ZDHHC6: variants seen among roughly 807,000 people sequenced by gnomAD.
The protein encoded by ZDHHC6 is palmitoyltransferase ZDHHC6.
In ZDHHC6, 32 loss-of-function variants were observed where a neutral mutation model predicts 57.8. The ratio of observed to expected loss-of-function variants is 0.55; its 90% CI spans 0.42 to 0.74. The LOEUF is 0.74. Ranked by LOEUF, ZDHHC6 falls within the 30% of genes least tolerant of loss-of-function variation. ZDHHC6 has a pLI of 0.00. For missense variants in ZDHHC6, 433 were observed against 500.7 expected, an observed-to-expected ratio of 0.86 and a Z score of 1.29; for synonymous variants, 128 against 158.0, an observed-to-expected ratio of 0.81 and a Z score of 1.42.
At chr10:112,440,307 TA>T (rs760152734) in intron 5 of ZDHHC6, among the ~76,000 whole-genome samples, 9 of 152,222 alleles carry the variant, frequency 5.9e-5, no homozygotes, top group Non-Finnish European at 1.2e-4. Context: ...CTCCAGAACT[TA>T]CCTAACTTGA....
downstream of ZDHHC6, chr10:112,427,468 T>A: frequency 9.4e-7 from 1 of 1,069,268 alleles, no homozygotes; most frequent in Non-Finnish European, 1.3e-6. Context: ...TTTTAACCTG[T>A]TAAACTCTAA....
chr10:112,438,409 A>G lies in ZDHHC6; in HGVS notation c.682-20T>C. 7.3e-7 allele frequency: 1 copy of G among 1,361,068 alleles called. No homozygotes were observed. Among genetic ancestry groups the G allele is most frequent in the South Asian group, 1.5e-5 (1 of 65,958 alleles). The allele number at this position is 1,361,068 out of a possible 1,614,324, so 84.3% of individuals were successfully genotyped here. On this transcript the variant is annotated intron_variant, in intron 5 of 10. Transcript: ENST00000369405. ...TTTCATCTGGAAATTAAATGATAGT[A>G]AAATTTAATAATGCGACCTTGGTTC...
Position 112,445,567 on chromosome 10 carries a change from G to T in ZDHHC6, c.-131C>A, listed in dbSNP as rs1477832247. ...TGCCTTCAAGCTGTGAACTGTTAAC[G>T]CAGATTACACCATTTTCACTGTCAG... On this transcript the variant is annotated 5_prime_UTR_variant, in exon 2 of 11. Coordinates refer to ENST00000369405, the MANE Select transcript of ZDHHC6 (RefSeq NM_022494.3). 2.0e-5 allele frequency: 21 copies of T among 1,056,680 alleles called. No homozygotes were observed. In the South Asian group the frequency reaches 3.5e-4, roughly 18 times the overall value. The allele number at this position is 1,056,680 out of a possible 1,614,324, so 65.5% of individuals were successfully genotyped here.
downstream of ZDHHC6, chr10:112,426,278 G>C: frequency 6.2e-7 from 1 of 1,614,114 alleles, no homozygotes; most frequent in Non-Finnish European, 8.5e-7. Context: ...TAGGAGTGGT[G>C]GTTCCTGACA....
intron 6 of ZDHHC6, among the ~76,000 whole-genome samples, chr10:112,435,041 G>C (rs754445005): frequency 2.9e-4 from 44 of 152,008 alleles, no homozygotes; most frequent in Admixed American, 5.2e-4. Flanking sequence ...ATATACAGGA[G>C]ATCTTCTTTC....
downstream of ZDHHC6, chr10:112,425,523 C>G (rs370806173): frequency 1.3e-6 from 2 of 1,500,754 alleles, no homozygotes; most frequent in Admixed American, 4.1e-5. Context: ...AGTCACAAAC[C>G]ATGCTGGTTC....
chr10:112,425,719 T>C (rs1844652967), downstream of ZDHHC6: 2 of 374,622 alleles, frequency 5.3e-6, no homozygotes, highest in Non-Finnish European at 9.4e-6. Flanking sequence ...ATGGCTATAC[T>C]AAAAGGTAAT....
chr10:112,443,427 A>G, intron 3 of ZDHHC6, 88 bp downstream of exon 3: 1 of 1,122,058 alleles, frequency 8.9e-7, no homozygotes, highest in Non-Finnish European at 1.3e-6. Flanking sequence ...TGCAGTGAAT[A>G]GAAGTAGCAC....
downstream of ZDHHC6, chr10:112,426,379 G>A: frequency 6.2e-7 from 1 of 1,602,218 alleles, no homozygotes. Context: ...GCCTAGGAAA[G>A]CTTTATGCAC....
chr10:112,427,259 A>C (rs1844767056), downstream of ZDHHC6: 3 of 1,613,638 alleles, frequency 1.9e-6, no homozygotes, highest in African/African-American at 1.3e-5. Flanking sequence ...TTTCCATTGA[A>C]AATGGGCTCT....
At chr10:112,434,170 AT>A in intron 7 of ZDHHC6, 126 bp downstream of exon 7, 1 of 906,084 alleles carries the variant, frequency 1.1e-6, no homozygotes, top group Non-Finnish European at 1.6e-6. Context: ...GAATTATTAG[AT>A]TCATTTTGAC....
chr10:112,438,410 A>G lies in ZDHHC6; in HGVS notation c.682-21T>C, dbSNP rs762275943. The G allele has an allele frequency of 2.1e-5, 28 of 1,359,860 alleles. No individual in the cohort carries two copies. In the Admixed American group the frequency reaches 8.2e-4, roughly 40 times the overall value. 84.2% of individuals were successfully genotyped at this position (1,359,860 alleles called of 1,614,324 possible). On this transcript the variant is annotated intron_variant, in intron 5 of 10. Transcript: ENST00000369405. ...TTCATCTGGAAATTAAATGATAGTAAAATTTAATAATGCGACCTTGGTTCC... is the reference window on the plus strand; with the variant it reads ...TTCATCTGGAAATTAAATGATAGTAGAATTTAATAATGCGACCTTGGTTCC...
intron 2 of ZDHHC6, 72 bp from the exon 3 acceptor site, chr10:112,443,678 T>G: frequency 8.1e-7 from 1 of 1,229,594 alleles, no homozygotes; most frequent in Non-Finnish European, 1.2e-6. Context: ...ACGGTATGAT[T>G]TTCTTTTATG....
intron 2 of ZDHHC6, among the ~76,000 whole-genome samples, chr10:112,443,938 G>A (rs1329554801): frequency 6.6e-6 from 1 of 152,132 alleles, no homozygotes; most frequent in East Asian, 1.9e-4. Flanking sequence ...TTAGAGTGAG[G>A]AGTTAATCGT....
At position 112,431,830 on chromosome 10, in the gene ZDHHC6, T is replaced by C. The variant is rs574369951; in HGVS notation, c.1138+410A>G. 3.3e-5 allele frequency among the ~76,000 whole-genome samples: 5 copies of C among 152,296 alleles called. No individual in the cohort carries two copies. The East Asian group carries it at 9.6e-4, about 29-fold the overall frequency. On this transcript the variant is annotated intron_variant, in intron 10 of 10. Transcript: ENST00000369405. ...GGCAGCAAATAGTACAGGGGTTTGG[T>C]GCATAGAATCTGGAGTCAGACTGCT...
At chr10:112,436,015 G>A (rs903211770) in intron 6 of ZDHHC6, among the ~76,000 whole-genome samples, 3 of 152,154 alleles carry the variant, frequency 2.0e-5, no homozygotes, top group African/African-American at 4.8e-5. Context: ...CCTTAACTAA[G>A]TCTTGAGAAG....
chr10:112,432,903 T>C (rs1845174445), intron 8 of ZDHHC6, among the ~76,000 whole-genome samples: 1 of 152,228 alleles, frequency 6.6e-6, no homozygotes, highest in Non-Finnish European at 1.5e-5. Context: ...TAAATTGATT[T>C]AATTTTAACA....
chr10:112,426,600 G>A (rs1342930765), downstream of ZDHHC6: 1 of 628,774 alleles, frequency 1.6e-6, no homozygotes, highest in African/African-American at 1.8e-5. Flanking sequence ...AGAGAAAACT[G>A]TTAACACTTA....
Position 112,446,861 on chromosome 10 carries a change from G to C in ZDHHC6, c.-371C>G, listed in dbSNP as rs535609304. On this transcript the variant is annotated 5_prime_UTR_variant, in exon 1 of 11. Coordinates refer to ENST00000369405, the MANE Select transcript of ZDHHC6 (RefSeq NM_022494.3). ...AACCCTGGCAGCGAGAGGCTGGAGT[G>C]CGGGACCTGCTACAAGCCGAGCACC... The C allele has an allele frequency of 7.0e-4, 130 of 186,470 alleles. No homozygotes were observed. Among genetic ancestry groups the C allele is most frequent in the African/African-American group, 3.0e-3 (127 of 42,602 alleles). 11.6% of individuals were successfully genotyped at this position (186,470 alleles called of 1,614,324 possible). A position where few individuals can be genotyped will look rare whatever the true frequency, so the allele number is the denominator to read the frequency against.
Sources: allele counts gnomAD v4.1 joint callset (sites outside exome capture counted in the v4.1 genomes callset), GRCh38; gene constraint gnomAD v4.1.1; transcripts MANE v1.5; gene names NCBI Gene and HGNC (gene_info 2026-07-23, HGNC 2026-07-21).